Variants in MEI4 observed in about 807,000 individuals in gnomAD.
The protein encoded by MEI4 is meiosis-specific protein MEI4.
Under a neutral mutation model 31.4 loss-of-function variants are expected in MEI4, and 27 were observed. The observed-to-expected ratio is 0.86, with a 90% CI of 0.63 to 1.19. MEI4 has a LOEUF of 1.19. Ranked by LOEUF, MEI4 falls within the 50% of genes most tolerant of loss-of-function variation. MEI4 has a pLI of 0.00. For synonymous variants in MEI4, 122 were observed against 145.4 expected (o/e 0.84, Z 1.16); for missense variants, 329 against 398.9 (o/e 0.82, Z 1.49).
At chr6:77,662,405 G>A (rs569682758) in intron 1 of MEI4, among the ~76,000 whole-genome samples, 12 of 152,272 alleles carry the variant, frequency 7.9e-5, no homozygotes, top group African/African-American at 1.7e-4. Flanking sequence ...AGGGTCAGGT[G>A]TGGTATCCGG....
intron 4 of MEI4, among the ~76,000 whole-genome samples, chr6:77,874,264 A>G (rs1219376450): frequency 5.9e-5 from 9 of 151,982 alleles, no homozygotes; most frequent in Non-Finnish European, 1.2e-4. Flanking sequence ...ATTTGTTTGT[A>G]TCCTCTTTTA....
At chr6:77,708,744 G>A (rs1208095801) in intron 2 of MEI4, among the ~76,000 whole-genome samples, 1 of 152,054 alleles carries the variant, frequency 6.6e-6, no homozygotes, top group Admixed American at 6.6e-5. Context: ...AGATTTGGTT[G>A]TTTAAAAGAG....
chr6:77,822,827 T>G (rs1234096470), intron 3 of MEI4, among the ~76,000 whole-genome samples: 2 of 152,078 alleles, frequency 1.3e-5, no homozygotes, highest in Non-Finnish European at 2.9e-5. Flanking sequence ...TTTCGCCTTG[T>G]TAGCCAGGAT....
At chr6:77,775,385 C>A (rs1010044062) in intron 3 of MEI4, among the ~76,000 whole-genome samples, 2 of 152,120 alleles carry the variant, frequency 1.3e-5, no homozygotes, top group African/African-American at 4.8e-5. Context: ...ATTCTTACGC[C>A]TTTGCGTCTT....
At chr6:77,797,444 C>T (rs575863917) in intron 3 of MEI4, among the ~76,000 whole-genome samples, 1 of 152,154 alleles carries the variant, frequency 6.6e-6, no homozygotes, top group Non-Finnish European at 1.5e-5. Flanking sequence ...GGAGAATTGG[C>T]TTACACGATC....
chr6:77,670,362 C>G (rs1301208791), intron 1 of MEI4, among the ~76,000 whole-genome samples: 1 of 152,002 alleles, frequency 6.6e-6, no homozygotes, highest in Non-Finnish European at 1.5e-5. Flanking sequence ...AGATTTAATA[C>G]ACAGAACTGA....
chr6:77,702,587 T>C (rs2127657043), intron 2 of MEI4, among the ~76,000 whole-genome samples: 1 of 152,310 alleles, frequency 6.6e-6, no homozygotes, highest in East Asian at 1.9e-4. Context: ...TCCTTGGTCA[T>C]ACTTAATTTA....
chr6:77,726,643 G>A (rs957536644), intron 2 of MEI4, among the ~76,000 whole-genome samples: 35 of 151,828 alleles, frequency 2.3e-4, no homozygotes, highest in Non-Finnish European at 2.5e-4. Flanking sequence ...AAAGGACCGT[G>A]TAATAGGCCT....
chr6:77,809,929 C>T (rs1469575109), intron 3 of MEI4, among the ~76,000 whole-genome samples: 1 of 152,004 alleles, frequency 6.6e-6, no homozygotes, highest in Non-Finnish European at 1.5e-5. Context: ...TTGTGTGGCT[C>T]AGTGAGATTT....
intron 2 of MEI4, among the ~76,000 whole-genome samples, chr6:77,754,060 T>C (rs1486530473): frequency 1.3e-5 from 2 of 151,084 alleles, no homozygotes; most frequent in African/African-American, 4.9e-5. Flanking sequence ...TGAAAGCACA[T>C]GGACACAGGG....
chr6:77,837,285 A>C (rs936562645), intron 4 of MEI4, among the ~76,000 whole-genome samples: 6 of 152,196 alleles, frequency 3.9e-5, no homozygotes, highest in Non-Finnish European at 8.8e-5. Context: ...CCTTTGAAGT[A>C]GTCTTGTCAA....
chr6:77,908,530 A>G (rs1766352920), intron 4 of MEI4, among the ~76,000 whole-genome samples: 1 of 152,104 alleles, frequency 6.6e-6, no homozygotes. Context: ...TACCAGTATC[A>G]TGCTGTTTTG....
intron 1 of MEI4, among the ~76,000 whole-genome samples, chr6:77,664,738 G>T (rs1009458539): frequency 2.0e-5 from 3 of 152,186 alleles, no homozygotes; most frequent in South Asian, 2.1e-4. Flanking sequence ...CAGAGACTAG[G>T]AAGGGACTGA....
chr6:77,651,386 G>T (rs759376227), upstream of MEI4, among the ~76,000 whole-genome samples: 1 of 152,198 alleles, frequency 6.6e-6, no homozygotes, highest in Admixed American at 6.5e-5. Flanking sequence ...TGGAATTGCA[G>T]ACACATTTGG....
chr6:77,713,702 C>T (rs1317185544), intron 2 of MEI4, among the ~76,000 whole-genome samples: 1 of 152,170 alleles, frequency 6.6e-6, no homozygotes, highest in Non-Finnish European at 1.5e-5. Flanking sequence ...GATTTTCATT[C>T]TCGATTCCGT....
At position 77,904,283 on chromosome 6, in the gene MEI4, TAAC is replaced by T. The variant is rs557972708; in HGVS notation, c.901-18802_901-18800del. ...GTTATAACAGTATGTTTTAAGCTGA[TAAC>T]AACGTAGCTTTAATTTTCTTTCCAA... On this transcript the variant is annotated intron_variant, in intron 4 of 4. Coordinates refer to ENST00000684080, the MANE Select transcript of MEI4 (RefSeq NM_001322247.2). 1.4e-3 allele frequency among the ~76,000 whole-genome samples: 216 copies of T among 152,316 alleles called. 1 individual carries two copies. Among genetic ancestry groups the T allele is most frequent in the African/African-American group, 4.5e-3 (187 of 41,590 alleles).
rs572288957 is a variant in MEI4 at position 77,743,679 on chromosome 6, G to C, written c.233-17451G>C. Among the ~76,000 whole-genome samples, 4 of 151,034 alleles carry C rather than the reference G, an allele frequency of 2.6e-5. No homozygotes were observed. In the South Asian group the frequency reaches 8.3e-4, roughly 31 times the overall value. On this transcript the variant is annotated intron_variant, in intron 2 of 4. Coordinates refer to ENST00000684080, the MANE Select transcript of MEI4 (RefSeq NM_001322247.2). The stretch of plus-strand genomic sequence containing the variant: ...AGACTGCCTCCTCAAGTGGGTCCCT[G>C]ACCCCTGACCCCCGAGCAGCCTAAC...
At chr6:77,792,191 A>G (rs926875149) in intron 3 of MEI4, among the ~76,000 whole-genome samples, 1 of 152,214 alleles carries the variant, frequency 6.6e-6, no homozygotes, top group Non-Finnish European at 1.5e-5. Flanking sequence ...ATTCAGATAA[A>G]GAAAGTATTG....
intron 2 of MEI4, among the ~76,000 whole-genome samples, chr6:77,752,158 TATC>T (rs1265076606): frequency 6.6e-6 from 1 of 152,236 alleles, no homozygotes; most frequent in African/African-American, 2.4e-5. Flanking sequence ...CCACAGCCAA[TATC>T]ATACTGAATG....
Sources: allele counts gnomAD v4.1 joint callset (sites outside exome capture counted in the v4.1 genomes callset), GRCh38; gene constraint gnomAD v4.1.1; transcripts MANE v1.5; gene names NCBI Gene and HGNC (gene_info 2026-07-23, HGNC 2026-07-21).